The following LAMA2 variants were observed in gnomAD, a reference collection of about 807,000 sequenced individuals.
The protein encoded by LAMA2 is laminin subunit alpha 2.
LAMA2 carries 269 observed loss-of-function variants against 364.8 expected under a neutral mutation model. The observed-to-expected ratio is 0.74, with a 90% CI of 0.67 to 0.82. The LOEUF is 0.82. LAMA2 is among the 40% of genes least tolerant of loss of function. The pLI, the probability that LAMA2 is intolerant of heterozygous loss-of-function variation, is 0.00. For missense variants in LAMA2, 3,807 were observed against 3,873.2 expected (o/e 0.98, Z 0.45); for synonymous variants, 1,379 against 1,370.6 (o/e 1.01, Z -0.14).
Position 129,516,534 on chromosome 6 carries a change from TAAA to T in LAMA2, c.*188_*190del. The stretch of plus-strand genomic sequence containing the variant: ...TAATTCAAGTTCTTTCTCAAGTCTA[TAAA>T]TAATATTAAACTGATTATTTCATTC... On this transcript the variant is annotated 3_prime_UTR_variant, in exon 65 of 65. Transcript: ENST00000421865. The T allele has an allele frequency of 1.8e-6, 1 of 545,506 alleles. No homozygotes were observed. Among genetic ancestry groups the T allele is most frequent in the East Asian group, 3.1e-5 (1 of 32,704 alleles). 33.8% of individuals were successfully genotyped at this position (545,506 alleles called of 1,614,324 possible).
chr6:129,372,320 T>A (rs1276161701), intron 34 of LAMA2, among the ~76,000 whole-genome samples: 1 of 152,228 alleles, frequency 6.6e-6, no homozygotes, highest in African/African-American at 2.4e-5. Context: ...CCCTCTTCCT[T>A]GACCCCTGGC....
chr6:129,055,234 C>T (rs1046142073), intron 2 of LAMA2, among the ~76,000 whole-genome samples: 4 of 145,506 alleles, frequency 2.7e-5, no homozygotes, highest in South Asian at 2.1e-4. Flanking sequence ...CTCTGTCACC[C>T]GGGCTGGAGT....
At chr6:129,208,965 C>A (rs1040842100) in intron 12 of LAMA2, among the ~76,000 whole-genome samples, 1 of 151,978 alleles carries the variant, frequency 6.6e-6, no homozygotes, top group Non-Finnish European at 1.5e-5. Context: ...TCATCTGGGA[C>A]TGGGTTTGAA....
intron 1 of LAMA2, among the ~76,000 whole-genome samples, chr6:128,976,304 G>GT (rs1190440667): frequency 5.3e-5 from 8 of 152,104 alleles, no homozygotes; most frequent in Admixed American, 1.3e-4. Flanking sequence ...TTTTTGTTTT[G>GT]TTTTTTCCAG....
chr6:129,005,665 A>G (rs988555936), intron 1 of LAMA2, among the ~76,000 whole-genome samples: 1 of 151,182 alleles, frequency 6.6e-6, no homozygotes, highest in Non-Finnish European at 1.5e-5. Context: ...CAATTATTCT[A>G]AAGTTCTATA....
chr6:128,913,765 T>C (rs1489905231), intron 1 of LAMA2, among the ~76,000 whole-genome samples: 1 of 152,208 alleles, frequency 6.6e-6, no homozygotes, highest in Non-Finnish European at 1.5e-5. Flanking sequence ...TATTTTTATG[T>C]AGTGGAATTA....
At chr6:129,504,211 T>G (rs1785877160) in intron 60 of LAMA2, among the ~76,000 whole-genome samples, 1 of 152,204 alleles carries the variant, frequency 6.6e-6, no homozygotes, top group South Asian at 2.1e-4. Flanking sequence ...AATCTTCATT[T>G]TTGCTGGGAG....
At position 128,904,925 on chromosome 6, in the gene LAMA2, T is replaced by C. The variant is rs9398888; in HGVS notation, c.112+21568T>C. Among the ~76,000 whole-genome samples, 75 of 152,312 alleles carry C rather than the reference T, an allele frequency of 4.9e-4. 1 individual carries two copies. The East Asian group carries it at 8.1e-3, about 16-fold the overall frequency. On this transcript the variant is annotated intron_variant, in intron 1 of 64. Coordinates refer to ENST00000421865, the MANE Select transcript of LAMA2 (RefSeq NM_000426.4). ...TGTGTATGTGTGGGAGATAACAGAATAACGTCTCTTTTCCAAGATGCATAT... is the reference window on the plus strand; with the variant it reads ...TGTGTATGTGTGGGAGATAACAGAACAACGTCTCTTTTCCAAGATGCATAT...
chr6:129,505,199 G>C lies in LAMA2; in HGVS notation c.8548-1G>C. On this transcript the variant is annotated splice_acceptor_variant, in intron 60 of 64. Transcript: ENST00000421865. LOFTEE classifies it high-confidence loss of function. The stretch of plus-strand genomic sequence containing the variant: ...ATTAATGACTCCTTTCTTTTTTGTA[G>C]ATTAAGATAATGAGAAGTAAGCAAG... The C allele has an allele frequency of 6.2e-7, 1 of 1,613,254 alleles. No individual in the cohort carries two copies. Among genetic ancestry groups the C allele is most frequent in the Non-Finnish European group, 8.5e-7 (1 of 1,179,360 alleles).
intron 4 of LAMA2, among the ~76,000 whole-genome samples, chr6:129,105,288 G>A (rs900068813): frequency 3.3e-5 from 5 of 152,094 alleles, no homozygotes; most frequent in Non-Finnish European, 5.9e-5. Context: ...CCAAGCCATC[G>A]AGAGCTACTA....
chr6:128,994,020 A>G (rs1433387710), intron 1 of LAMA2, among the ~76,000 whole-genome samples: 1 of 152,218 alleles, frequency 6.6e-6, no homozygotes, highest in African/African-American at 2.4e-5. Flanking sequence ...TGTTGTGTCA[A>G]TGCCATGAAT....
intron 1 of LAMA2, among the ~76,000 whole-genome samples, chr6:129,005,305 T>G (rs1214542414): frequency 1.3e-5 from 2 of 152,014 alleles, no homozygotes; most frequent in African/African-American, 4.8e-5. Context: ...TCTTTATTAG[T>G]TTTTAAATAT....
At chr6:128,996,916 C>T (rs1349758811) in intron 1 of LAMA2, among the ~76,000 whole-genome samples, 1 of 152,130 alleles carries the variant, frequency 6.6e-6, no homozygotes, top group East Asian at 1.9e-4. Flanking sequence ...GAAAATGTGG[C>T]ACATATACAC....
At chr6:129,214,643 C>CT (rs909259038) in intron 12 of LAMA2, among the ~76,000 whole-genome samples, 1 of 152,144 alleles carries the variant, frequency 6.6e-6, no homozygotes, top group Non-Finnish European at 1.5e-5. Flanking sequence ...ATCTAAGTGA[C>CT]TTTTTTCTGA....
chr6:129,430,758 A>T (rs1292288627), intron 41 of LAMA2, among the ~76,000 whole-genome samples: 1 of 152,090 alleles, frequency 6.6e-6, no homozygotes, highest in Non-Finnish European at 1.5e-5. Flanking sequence ...TGGGAGAATA[A>T]CTTGAGCCCA....
intron 40 of LAMA2, among the ~76,000 whole-genome samples, chr6:129,411,648 T>C (rs901787074): frequency 6.6e-6 from 1 of 151,954 alleles, no homozygotes. Flanking sequence ...TTTGAAACTT[T>C]ACTCTTATGT....
chr6:129,383,036 G>A (rs1358644444), intron 34 of LAMA2, 86 bp from the exon 35 acceptor site: 2 of 1,098,322 alleles, frequency 1.8e-6, no homozygotes, highest in Non-Finnish European at 2.8e-6. Flanking sequence ...AGTAATATTT[G>A]AAAGAAAATG....
chr6:129,496,606 GTTTCC>G (rs1172339385), intron 58 of LAMA2, among the ~76,000 whole-genome samples: 2 of 152,178 alleles, frequency 1.3e-5, no homozygotes, highest in African/African-American at 2.4e-5. Context: ...GTTTTAATTT[GTTTCC>G]TTTCTTATGT....
chr6:128,917,916 T>C (rs1272789025), intron 1 of LAMA2, among the ~76,000 whole-genome samples: 1 of 151,778 alleles, frequency 6.6e-6, no homozygotes, highest in Non-Finnish European at 1.5e-5. Flanking sequence ...CTATTTTTTT[T>C]GTAAAGATGG....
Sources: gnomAD v4.1 joint callset for allele counts (sites outside exome capture counted in the v4.1 genomes callset) on GRCh38, gnomAD v4.1.1 for gene constraint, MANE v1.5 for transcripts, NCBI Gene and HGNC (gene_info 2026-07-23, HGNC 2026-07-21) for gene names.